Variants in TUSC3 observed in about 807,000 individuals in gnomAD.
TUSC3 encodes dolichyl-diphosphooligosaccharide--protein glycosyltransferase subunit TUSC3.
A neutral mutation model predicts 44.8 loss-of-function variants in TUSC3; 45 were observed. The observed-to-expected ratio is 1.00, with a 90% CI of 0.79 to 1.29. The LOEUF is 1.29. TUSC3 is among the 50% of genes most tolerant of loss of function. The pLI is 0.00. For synonymous variants in TUSC3, 212 were observed against 152.9 expected (o/e 1.39, Z -2.85); for missense variants, 519 against 437.9 (o/e 1.19, Z -1.65).
intron 1 of TUSC3, among the ~76,000 whole-genome samples, chr8:15,571,747 C>A (rs1309296887): frequency 2.6e-5 from 4 of 152,174 alleles, no homozygotes; most frequent in Admixed American, 6.5e-5. Context: ...AAATTGGAGT[C>A]TGTCCTCTCA....
intron 5 of TUSC3, among the ~76,000 whole-genome samples, chr8:15,663,217 G>C (rs1807505520): frequency 6.6e-6 from 1 of 151,448 alleles, no homozygotes; most frequent in Non-Finnish European, 1.5e-5. Flanking sequence ...ATAGAATGTT[G>C]AAATTGAGAC....
At position 15,502,723 on chromosome 8, in the gene TUSC3, C is replaced by T. The variant is rs190180237; in HGVS notation, n.189+19240C>T. Among the ~76,000 whole-genome samples, 461 of 152,308 alleles carry T rather than the reference C, an allele frequency of 3.0e-3. 1 individual carries two copies. Among genetic ancestry groups the T allele is most frequent in the African/African-American group, 0.01 (422 of 41,580 alleles). ...AGCCAGGATGGTCTTGATCTCCTGA[C>T]CTCGTGATCCCCCTGCCTTGGCCTC... On this transcript the variant is annotated intron_variant and non_coding_transcript_variant, in intron 2 of 5. Coordinates refer to the TUSC3 transcript ENST00000503191.
chr8:15,582,285 G>A (rs909202408), intron 1 of TUSC3, among the ~76,000 whole-genome samples: 1 of 152,164 alleles, frequency 6.6e-6, no homozygotes, highest in Non-Finnish European at 1.5e-5. Flanking sequence ...CGCTCACGCT[G>A]GGAGCTGTAG....
At chr8:15,540,747 A>G (rs528643549) in intron 1 of TUSC3, among the ~76,000 whole-genome samples, 179 bp downstream of exon 1, 4 of 152,054 alleles carry the variant, frequency 2.6e-5, no homozygotes, top group Admixed American at 2.6e-4. Flanking sequence ...TGGAGTTAGC[A>G]GGGTTCTGAC....
chr8:15,656,991 A>G (rs1170814092), intron 3 of TUSC3, among the ~76,000 whole-genome samples: 1 of 152,262 alleles, frequency 6.6e-6, no homozygotes. Context: ...CTACAGCAGT[A>G]TGCAGGGAGT....
intron 2 of TUSC3, among the ~76,000 whole-genome samples, chr8:15,514,859 C>G (rs989145750): frequency 6.6e-6 from 1 of 152,094 alleles, no homozygotes; most frequent in Non-Finnish European, 1.5e-5. Context: ...CTCTCTCAGC[C>G]TCAGATTCCT....
chr8:15,596,442 A>G (rs1804069445), intron 1 of TUSC3, among the ~76,000 whole-genome samples: 1 of 152,136 alleles, frequency 6.6e-6, no homozygotes. Context: ...ACCTTTGCAT[A>G]CAGAGTGCCA....
chr8:15,452,056 A>C (rs951174689), intron 1 of TUSC3, among the ~76,000 whole-genome samples: 3 of 152,160 alleles, frequency 2.0e-5, no homozygotes, highest in East Asian at 3.9e-4. Flanking sequence ...CACCATCCCC[A>C]CTGCCTGGCT....
At chr8:15,654,522 G>A (rs574205951) in intron 3 of TUSC3, among the ~76,000 whole-genome samples, 200 of 152,230 alleles carry the variant, frequency 1.3e-3, no homozygotes, top group African/African-American at 4.6e-3. Flanking sequence ...TGTTTACACT[G>A]CATTGCAGGA....
intron 1 of TUSC3, among the ~76,000 whole-genome samples, chr8:15,441,762 C>A (rs1000106769): frequency 2.6e-5 from 4 of 151,792 alleles, no homozygotes; most frequent in Non-Finnish European, 5.9e-5. Context: ...GTGATGAAAG[C>A]TGACATGAGG....
At chr8:15,666,520 G>A (rs1264588448) in intron 5 of TUSC3, among the ~76,000 whole-genome samples, 1 of 151,294 alleles carries the variant, frequency 6.6e-6, no homozygotes, top group African/African-American at 2.4e-5. Context: ...TTCATGAAAG[G>A]TACTTTGGCA....
At chr8:15,573,593 G>T (rs1185152581) in intron 1 of TUSC3, among the ~76,000 whole-genome samples, 1 of 151,902 alleles carries the variant, frequency 6.6e-6, no homozygotes, top group Non-Finnish European at 1.5e-5. Flanking sequence ...GCCGCTGGTG[G>T]ATGCTTTAAC....
At chr8:15,507,847 A>T (rs912780563) in intron 2 of TUSC3, among the ~76,000 whole-genome samples, 2 of 152,144 alleles carry the variant, frequency 1.3e-5, no homozygotes, top group African/African-American at 4.8e-5. Context: ...AAAAAGATTA[A>T]TGGCCTCCCC....
At chr8:15,769,940 TAGG>T (rs1812411894), downstream of TUSC3, among the ~76,000 whole-genome samples, 12 of 152,096 alleles carry the variant, frequency 7.9e-5, no homozygotes, top group Admixed American at 7.9e-4. Flanking sequence ...TGTGGAGAAA[TAGG>T]AATGCTTTTA....
chr8:15,843,199 T>A, the TUSC3 span, among the ~76,000 whole-genome samples: 1 of 152,198 alleles, frequency 6.6e-6, no homozygotes, highest in Admixed American at 6.5e-5. Flanking sequence ...TAAACTTTAT[T>A]TATGGCAAAC....
chr8:15,595,417 G>C (rs1479218374), intron 1 of TUSC3, among the ~76,000 whole-genome samples: 2 of 152,114 alleles, frequency 1.3e-5, no homozygotes, highest in Admixed American at 6.6e-5. Context: ...GTCTCTGCCT[G>C]TACTCTCCCT....
chr8:15,531,824 T>C (rs1000405392), intron 2 of TUSC3, among the ~76,000 whole-genome samples: 5 of 152,198 alleles, frequency 3.3e-5, no homozygotes, highest in Admixed American at 6.5e-5. Context: ...CTGGTGATAT[T>C]TCCTAGAGAT....
chr8:15,844,340 T>A, the TUSC3 span, among the ~76,000 whole-genome samples: 1,354 of 152,288 alleles, frequency 8.9e-3, 27 homozygotes, highest in African/African-American at 0.031. Flanking sequence ...CTAGTTACTG[T>A]GCTTTCAAAG....
chr8:15,731,569 C>CA (rs1439313445), intron 7 of TUSC3, among the ~76,000 whole-genome samples: 4 of 152,104 alleles, frequency 2.6e-5, no homozygotes, highest in Non-Finnish European at 5.9e-5. Context: ...CTAGAGCCCA[C>CA]AAAGGGCTTA....
Sources: allele counts gnomAD v4.1 joint callset (sites outside exome capture counted in the v4.1 genomes callset), GRCh38; gene constraint gnomAD v4.1.1; transcripts MANE v1.5; gene names NCBI Gene and HGNC (gene_info 2026-07-23, HGNC 2026-07-21).